The following GPR55 variants were observed in gnomAD, a reference collection of about 807,000 sequenced individuals.
GPR55 encodes the protein G protein-coupled receptor 55.
Under a neutral mutation model 7.9 loss-of-function variants are expected in GPR55, and 6 were observed. That is an observed-to-expected ratio of 0.76 (90% confidence interval 0.41 to 1.49). GPR55 has a LOEUF of 1.49. GPR55 is among the 40% of genes most tolerant of loss of function. GPR55 has a pLI of 0.01. For synonymous variants in GPR55, 183 were observed against 166.8 expected, an observed-to-expected ratio of 1.10 and a Z score of -0.75; for missense variants, 376 against 406.0, an observed-to-expected ratio of 0.93 and a Z score of 0.63.
chr2:230,921,607 T>C (rs7591136), intron 1 of GPR55, among the ~76,000 whole-genome samples: 3 of 152,148 alleles, frequency 2.0e-5, no homozygotes, highest in Non-Finnish European at 4.4e-5. Context: ...AAAGAAACAA[T>C]ATTTATACAC....
In GPR55 at chr2:230,908,117, G is replaced by A. The variant is rs1690496393; in HGVS notation, c.*1886C>T. The A allele has an allele frequency of 6.6e-6, 1 of 152,648 alleles. No individual in the cohort carries two copies. 9.5% of individuals were successfully genotyped at this position (152,648 alleles called of 1,614,324 possible). ...CTGCAGGCAAGGAGAGGAGTGTCTG[G>A]GGTTTGGGGCAGCCAGGCAGCCTTA... On this transcript the variant is annotated 3_prime_UTR_variant, in exon 2 of 2. Coordinates refer to ENST00000650999, the MANE Select transcript of GPR55 (RefSeq NM_005683.4).
chr2:230,925,295 A>C (rs934387163), upstream of GPR55: 2 of 152,616 alleles, frequency 1.3e-5, no homozygotes, highest in African/African-American at 4.8e-5. Context: ...AGTGAAATAA[A>C]GGGGTGGGAC....
At chr2:230,940,986 G>A (rs1229443871) in intron 1 of GPR55, among the ~76,000 whole-genome samples, 1 of 152,130 alleles carries the variant, frequency 6.6e-6, no homozygotes, top group Non-Finnish European at 1.5e-5. Context: ...ACGTGGCGGT[G>A]TGCACTTGTA....
chr2:230,937,129 C>T (rs1022782892), intron 1 of GPR55, among the ~76,000 whole-genome samples: 7 of 152,154 alleles, frequency 4.6e-5, no homozygotes, highest in Non-Finnish European at 1.0e-4. Flanking sequence ...AGGCCAGGCA[C>T]AGTGGCTCAC....
chr2:230,957,139 C>G (rs1322440832), intron 1 of GPR55, among the ~76,000 whole-genome samples: 1 of 152,162 alleles, frequency 6.6e-6, no homozygotes, highest in South Asian at 2.1e-4. Flanking sequence ...CTTTTTCTTT[C>G]TTTACAATTT....
chr2:230,960,683 T>A (rs1691554041), intron 1 of GPR55: 1 of 152,154 alleles, frequency 6.6e-6, no homozygotes, highest in Non-Finnish European at 1.5e-5. Flanking sequence ...AAGCAATAAC[T>A]TTTCTTAGAT....
Position 230,957,856 on chromosome 2 carries a change from G to A in GPR55, c.-135+2919C>T, listed in dbSNP as rs566352837. ...TAATTATGCAAAGCAAAGAATCCAG[G>A]AAAGAATTGCCAGAGAAGGAATTAA... On this transcript the variant is annotated intron_variant, in intron 1 of 1. Transcript: ENST00000392039. The A allele has an allele frequency of 1.8e-5, 11 of 608,506 alleles. No homozygotes were observed. The East Asian group carries it at 5.5e-4, about 31-fold the overall frequency. 37.7% of individuals were successfully genotyped at this position (608,506 alleles called of 1,614,324 possible).
At chr2:230,935,121 G>T (rs1017679987) in intron 1 of GPR55, among the ~76,000 whole-genome samples, 5 of 152,172 alleles carry the variant, frequency 3.3e-5, no homozygotes, top group Non-Finnish European at 5.9e-5. Flanking sequence ...ATGGTGGCAG[G>T]ACCCGCAGCC....
At chr2:230,959,911 GT>G (rs142380890) in intron 1 of GPR55, among the ~76,000 whole-genome samples, 6,793 of 152,226 alleles carry the variant, frequency 0.045, 339 homozygotes, top group African/African-American at 0.12. Flanking sequence ...TATATGAAGT[GT>G]TTTTAAAGAG....
At chr2:230,946,747 G>A (rs970302309) in intron 1 of GPR55, among the ~76,000 whole-genome samples, 1 of 152,196 alleles carries the variant, frequency 6.6e-6, no homozygotes, top group Non-Finnish European at 1.5e-5. Flanking sequence ...CCATAGCTGG[G>A]GCCAAGTTTC....
Position 230,924,273 on chromosome 2 carries a change from G to A in GPR55, c.-135+895C>T, listed in dbSNP as rs565936137. 6.6e-6 allele frequency among the ~76,000 whole-genome samples: 1 copy of A among 152,220 alleles called. No homozygotes were observed. Among genetic ancestry groups the A allele is most frequent in the Non-Finnish European group, 1.5e-5 (1 of 68,032 alleles). Reference sequence around the variant, plus strand: ...TGGTGCTCCCTTTACAGCTGGGACAGCCGCTCAGAACCAAAGGCAAACCTT... The same window carrying A: ...TGGTGCTCCCTTTACAGCTGGGACAACCGCTCAGAACCAAAGGCAAACCTT... On this transcript the variant is annotated intron_variant, in intron 1 of 1. Coordinates refer to ENST00000650999, the MANE Select transcript of GPR55 (RefSeq NM_005683.4). This position sits in a 1 kb window ranked among gnomAD's most constrained non-coding sequence, Gnocchi z 4.5.
chr2:230,956,154 AC>A (rs972394424), intron 1 of GPR55, among the ~76,000 whole-genome samples: 4 of 150,406 alleles, frequency 2.7e-5, no homozygotes, highest in African/African-American at 9.8e-5. Flanking sequence ...TATTTTATTT[AC>A]TTTATTTATT....
chr2:230,950,362 G>A (rs1414758083), intron 1 of GPR55, among the ~76,000 whole-genome samples: 2 of 152,200 alleles, frequency 1.3e-5, no homozygotes, highest in Non-Finnish European at 2.9e-5. Flanking sequence ...AAGACGCAGA[G>A]CAATTAGAGC....
chr2:230,945,197 G>A (rs1398020399), intron 1 of GPR55, among the ~76,000 whole-genome samples: 1 of 152,176 alleles, frequency 6.6e-6, no homozygotes. Flanking sequence ...GAGAGGAAAG[G>A]CAATTCCCAG....
At chr2:230,939,285 C>T (rs377162721) in intron 1 of GPR55, among the ~76,000 whole-genome samples, 52 of 152,304 alleles carry the variant, frequency 3.4e-4, no homozygotes, top group African/African-American at 1.2e-3. Context: ...CAGCTCTGCC[C>T]GCAGTCAACC....
Position 230,924,319 on chromosome 2 carries a change from C to T in GPR55, c.-135+849G>A, listed in dbSNP as rs769096119. On this transcript the variant is annotated intron_variant, in intron 1 of 1. Transcript: ENST00000650999. The surrounding 1 kb of genome is among the most constrained non-coding windows in gnomAD (Gnocchi z 4.5). ...ACCTTGCCTTCCACAGAGCTGTGGG[C>T]GGCACTTTGCCCTGCCCTGTCCTCT... Among the ~76,000 whole-genome samples, 2 of 152,148 alleles carry T rather than the reference C, an allele frequency of 1.3e-5. No individual in the cohort carries two copies. Among genetic ancestry groups the T allele is most frequent in the Non-Finnish European group, 1.5e-5 (1 of 68,026 alleles).
At position 230,910,662 on chromosome 2, in the gene GPR55, A is replaced by G; in HGVS notation, c.301T>C (p.Tyr101His). Residue 101 changes from tyrosine to histidine, a missense_variant, in exon 2 of 2, where the codon TAC becomes CAC. Coordinates refer to ENST00000650999, the MANE Select transcript of GPR55 (RefSeq NM_005683.4). The surrounding 1 kb of genome is among the most constrained non-coding windows in gnomAD (Gnocchi z 5.4). ...PSLCTLVECL[Y>H]FVSMYGSVFT... ...ACGCTTCCGTACATGCTGACGAAGTAAAGGCACTCCACCAGGGTGCACAGG... is the reference window on the plus strand; with the variant it reads ...ACGCTTCCGTACATGCTGACGAAGTGAAGGCACTCCACCAGGGTGCACAGG... The G allele has an allele frequency of 1.2e-6, 2 of 1,613,728 alleles. No individual in the cohort carries two copies. The highest frequency in any genetic ancestry group is 1.7e-6 in the Non-Finnish European group (2 of 1,179,792).
chr2:230,919,448 T>C (rs1012679039), intron 1 of GPR55, among the ~76,000 whole-genome samples: 1 of 152,098 alleles, frequency 6.6e-6, no homozygotes, highest in Non-Finnish European at 1.5e-5. Context: ...AGAACAACAA[T>C]AGAAGAACAA....
intron 1 of GPR55, among the ~76,000 whole-genome samples, chr2:230,956,436 G>A (rs1482941497): frequency 2.0e-5 from 3 of 152,140 alleles, no homozygotes; most frequent in Admixed American, 6.5e-5. Flanking sequence ...CCAAAGTGTT[G>A]GGATTATAGG....
Sources: gnomAD v4.1 joint callset for allele counts (sites outside exome capture counted in the v4.1 genomes callset) on GRCh38, gnomAD v4.1.1 for gene constraint, Gnocchi (gnomAD v3.1) non-coding constraint, MANE v1.5 for transcripts, NCBI Gene and HGNC (gene_info 2026-07-23, HGNC 2026-07-21) for gene names.